Variants in IGSF1 observed in about 807,000 individuals in gnomAD.
IGSF1 encodes the protein immunoglobulin superfamily member 1, also known as immunoglobulin-like domain-containing protein 1.
In IGSF1, 40 loss-of-function variants were observed where a neutral mutation model predicts 95.3. The ratio of observed to expected loss-of-function variants is 0.42; its 90% CI spans 0.33 to 0.55. IGSF1 has a LOEUF of 0.55. Among genes scored for constraint, IGSF1 ranks in the 20% least tolerant of loss-of-function variants. The pLI is 0.10. For synonymous variants in IGSF1, 372 were observed against 382.9 expected (o/e 0.97, Z 0.33); for missense variants, 906 against 1,025.4 (o/e 0.88, Z 1.59).
intron 1 of IGSF1, among the ~76,000 whole-genome samples, chrX:131,287,706 T>C (rs1337079276): frequency 9.0e-6 from 1 of 111,645 alleles, no homozygotes; most frequent in Non-Finnish European, 1.9e-5. Context: ...CCATTCTCCC[T>C]GACCAAAGTC....
chrX:131,283,225 G>A lies in IGSF1; in HGVS notation c.707C>T (p.Pro236Leu). The part of the protein sequence containing the change: ...PKPTLTAHPG[P>L]IMAPGESLNL... Reference sequence around the variant, plus strand: ...CAGGCTTTCTCCAGGTGCCATGATGGGCCCAGGATGGGCTGTCAAAGTTGG... The same window carrying A: ...CAGGCTTTCTCCAGGTGCCATGATGAGCCCAGGATGGGCTGTCAAAGTTGG... The change falls in exon 6 of 20, where the codon CCC becomes CTC. Residue 236 changes from proline (P) to leucine (L), a missense_variant. By Grantham distance (98) the Pro-to-Leu change is moderately conservative. Coordinates refer to ENST00000361420, the MANE Select transcript of IGSF1 (RefSeq NM_001555.5). The A allele has an allele frequency of 8.3e-7, 1 of 1,209,884 alleles. No individual in the cohort carries two copies. The highest frequency in any genetic ancestry group is 1.1e-6 in the Non-Finnish European group (1 of 893,987).
intron 1 of IGSF1, among the ~76,000 whole-genome samples, chrX:131,287,157 G>A (rs914387429): frequency 2.4e-5 from 2 of 82,738 alleles, no homozygotes; most frequent in Non-Finnish European, 4.7e-5. Context: ...ATATATATAC[G>A]TATATATGTG....
rs748558414 is a variant in IGSF1, at chrX:131,278,467, C to T, written c.2035G>A (p.Gly679Arg). 1 of 1,194,695 alleles carries T rather than the reference C, an allele frequency of 8.4e-7. No individual in the cohort carries two copies. The highest frequency in any genetic ancestry group is 1.1e-6 in the Non-Finnish European group (1 of 886,376). ...ACCCTCTACATTTTCTTACCTGTCC[C>T]CACCAGCTCAAGTGCCTCACTGGGC... Reference protein sequence around the residue: ...SEPSEALELVGTDILPKPVIS... With the variant: ...SEPSEALELVRTDILPKPVIS... Residue 679 changes from glycine (G) to arginine (R), a missense_variant, in exon 12 of 20, where the codon GGG becomes AGG. By Grantham distance (125) the Gly-to-Arg change is moderately radical. Coordinates refer to ENST00000361420, the MANE Select transcript of IGSF1 (RefSeq NM_001555.5).
Position 131,276,226 on chromosome X carries a change from G to A in IGSF1, c.2631C>T (p.Leu877=). ...VVTEFYPKPT[L]LAQPGPVVFP... is the part of the protein sequence containing the mutation. ...ACACCACAGGACCTGGCTGTGCCAGGAGAGTGGGTTTGGGGTAGAATTCTG... is the reference window on the plus strand; with the variant it reads ...ACACCACAGGACCTGGCTGTGCCAGAAGAGTGGGTTTGGGGTAGAATTCTG... The change falls in exon 15 of 20, where the codon CTC becomes CTT. Residue 877 remains leucine, a synonymous_variant. Coordinates refer to ENST00000361420, the MANE Select transcript of IGSF1 (RefSeq NM_001555.5). 3.3e-6 allele frequency: 4 copies of A among 1,207,801 alleles called. No individual in the cohort carries two copies. Among genetic ancestry groups the A allele is most frequent in the Middle Eastern group, 2.3e-4 (1 of 4,337 alleles).
In IGSF1 at chrX:131,273,918, CTG is replaced by C. The variant is rs1064796795; in HGVS notation, c.3887_3888del (p.Thr1296ArgfsTer10). The C allele has an allele frequency of 3.3e-6, 4 of 1,208,677 alleles. No individual in the cohort carries two copies. The highest frequency in any genetic ancestry group is 4.5e-6 in the Non-Finnish European group (4 of 894,606). ...WPRLRTRGSE[T>X]DGRDQTIALE... The stretch of plus-strand genomic sequence containing the variant: ...AGGGCAATGGTCTGGTCTCTTCCGT[CTG>C]TCTCTGAGCCTCTATGTAAAGAAAA... On this transcript the variant is annotated frameshift_variant, in exon 20 of 20. Coordinates refer to ENST00000361420, the MANE Select transcript of IGSF1 (RefSeq NM_001555.5). LOFTEE classifies it high-confidence loss of function.
In IGSF1 at chrX:131,275,998, C is replaced by T. The variant is rs1206625415; in HGVS notation, c.2859G>A (p.Gly953=). 1 of 1,210,887 alleles carries T rather than the reference C, an allele frequency of 8.3e-7. No homozygotes were observed. Among genetic ancestry groups the T allele is most frequent in the Non-Finnish European group, 1.1e-6 (1 of 894,748 alleles). Residue 953 remains glycine (G), a synonymous_variant, in exon 15 of 20, where the codon GGG becomes GGA. Coordinates refer to ENST00000361420, the MANE Select transcript of IGSF1 (RefSeq NM_001555.5). ...IYYETTMSNR[G]SYLSMPLMIW... is the part of the protein sequence containing the mutation. ...TCATAAGGGGCATACTGAGATATGA[C>T]CCCCTGTTTGACATGGTTGTCTCAT...
chrX:131,281,858 G>A lies in IGSF1; in HGVS notation c.1333C>T (p.His445Tyr). The change falls in exon 8 of 20, where the codon CAT (histidine) becomes TAT (tyrosine). Residue 445 changes from histidine (H) to tyrosine (Y), a missense_variant. Coordinates refer to ENST00000361420, the MANE Select transcript of IGSF1 (RefSeq NM_001555.5). ...KAITLQCRVS[H>Y]PVLEFSLEWE... ...TCCAGAGAAAATTCCAGTACTGGAT[G>A]AGATACTCGGCACTGAAGGGTGATG... is the stretch of plus-strand genomic sequence containing the variant. The A allele has an allele frequency of 1.7e-6, 2 of 1,207,872 alleles. No individual in the cohort carries two copies. Among genetic ancestry groups the A allele is most frequent in the Non-Finnish European group, 2.2e-6 (2 of 892,126 alleles).
chrX:131,273,980 C>T (rs2080446691), intron 19 of IGSF1, 49 bp from the exon 20 acceptor site: 2 of 1,202,480 alleles, frequency 1.7e-6, no homozygotes, highest in African/African-American at 3.5e-5. Context: ...AAACTGAAAA[C>T]AGATTGCACG....
Position 131,275,523 on chromosome X carries a change from A to T in IGSF1, c.3139T>A (p.Ser1047Thr). Residue 1047 changes from serine (S) to threonine (T), a missense_variant, in exon 16 of 20, where the codon TCT becomes ACT. Ser to Thr is a moderately conservative substitution (Grantham distance 58, BLOSUM62 1). This residue lies in a region of IGSF1 where 411 missense variants were observed against 494.9 expected (regional missense o/e 0.83). Transcript: ENST00000361420. ...SCCYHPDWTS[S>T]IKIQPSNTLE... ...GTGTTGCTAGGTTGTATCTTGATAG[A>T]ACTGGTCCAGTCAGGGTGGTAGCAG... is the stretch of plus-strand genomic sequence containing the variant. 1 of 1,211,495 alleles carries T rather than the reference A, an allele frequency of 8.3e-7. No homozygotes were observed.
At chrX:131,276,404 CAAAGAT>C (rs2080475350) in intron 14 of IGSF1, among the ~76,000 whole-genome samples, 156 bp from the exon 15 acceptor site, 1 of 105,778 alleles carries the variant, frequency 9.5e-6, no homozygotes, top group Non-Finnish European at 2.0e-5. Context: ...TTCTACCACT[CAAAGAT>C]AAATATTTTT....
intron 2 of IGSF1, 61 bp downstream of exon 2, chrX:131,286,543 AC>A: frequency 8.5e-7 from 1 of 1,169,941 alleles, no homozygotes; most frequent in Non-Finnish European, 1.2e-6. Flanking sequence ...TTCCTCTCCC[AC>A]CCCTAATGAG....
chrX:131,277,049 T>C lies in IGSF1; in HGVS notation c.2498A>G (p.His833Arg). Residue 833 changes from histidine to arginine, a missense_variant, in exon 14 of 20, where the codon CAC becomes CGC. His to Arg is a conservative substitution (Grantham distance 29). This residue lies in a region of IGSF1 where 411 missense variants were observed against 494.9 expected (regional missense o/e 0.83). Coordinates refer to ENST00000361420, the MANE Select transcript of IGSF1 (RefSeq NM_001555.5). ...SWASPGASAAHFLIISVGIGD... is the reference protein window; with the variant it reads ...SWASPGASAARFLIISVGIGD... ...AATGCCCACCGAAATGATTAGAAAG[T>C]GAGCTGCACTGGCCCCCGGACTTGC... The C allele has an allele frequency of 3.3e-6, 4 of 1,210,543 alleles. No homozygotes were observed. The highest frequency in any genetic ancestry group is 4.5e-6 in the Non-Finnish European group (4 of 894,837).
Position 131,277,159 on chromosome X carries a change from A to G in IGSF1, c.2388T>C (p.Thr796=). The part of the protein sequence containing the change: ...SPVVTPGARV[T]FNCSTPHQHM... ...GCTGGTGGGGGGTGGAGCAATTGAA[A>G]GTCACTCGGGCACCAGGGGTGACCA... Residue 796 remains threonine (T), a synonymous_variant, in exon 14 of 20, where the codon ACT becomes ACC. Transcript: ENST00000361420. 2 of 1,211,391 alleles carry G rather than the reference A, an allele frequency of 1.7e-6. No homozygotes were observed. Among genetic ancestry groups the G allele is most frequent in the Non-Finnish European group, 2.2e-6 (2 of 895,147 alleles).
In IGSF1 at chrX:131,279,487, C is replaced by T; in HGVS notation, c.1647-146G>A. 8.0e-6 allele frequency: 4 copies of T among 496,947 alleles called. No individual in the cohort carries two copies. The Admixed American group carries it at 1.3e-4, about 17-fold the overall frequency. 41.0% of individuals were successfully genotyped at this position (496,947 alleles called of 1,213,427 possible). A position where few individuals can be genotyped will look rare whatever the true frequency, so the allele number is the denominator to read the frequency against. On this transcript the variant is annotated intron_variant, in intron 9 of 19. Coordinates refer to ENST00000361420, the MANE Select transcript of IGSF1 (RefSeq NM_001555.5). Reference sequence around the variant, plus strand: ...GATAATGGGATATAATCTTATTTGACATCAATGACTTTTCTTTTTGAGGGC... The same window carrying T: ...GATAATGGGATATAATCTTATTTGATATCAATGACTTTTCTTTTTGAGGGC...
chrX:131,281,722 G>C lies in IGSF1; in HGVS notation c.1469C>G (p.Thr490Arg). 8.3e-7 allele frequency: 1 copy of C among 1,210,820 alleles called. No homozygotes were observed. The highest frequency in any genetic ancestry group is 1.1e-6 in the Non-Finnish European group (1 of 894,697). ...GTYSCSYRVE[T>R]HPNIWSHRSE... ...GCGATGTGACCAGATGTTAGGATGT[G>C]TCTCTACGCGATAGCTGCAACTGTA... Residue 490 changes from threonine (T) to arginine (R), a missense_variant, in exon 8 of 20, where the codon ACA (threonine) becomes AGA (arginine). By Grantham distance (71) the Thr-to-Arg change is moderately conservative. This residue lies in a region of IGSF1 where 442 missense variants were observed against 448.1 expected (regional missense o/e 0.99). Coordinates refer to ENST00000361420, the MANE Select transcript of IGSF1 (RefSeq NM_001555.5).
At chrX:131,278,849 C>A in intron 11 of IGSF1, 98 bp from the exon 12 acceptor site, 1 of 775,988 alleles carries the variant, frequency 1.3e-6, no homozygotes, top group South Asian at 2.5e-5. Flanking sequence ...TGCCCACCTC[C>A]CCTTGCAACC....
chrX:131,282,030 G>T, intron 7 of IGSF1, 86 bp from the exon 8 acceptor site: 1 of 872,917 alleles, frequency 1.1e-6, no homozygotes. Flanking sequence ...CTCCCCATTT[G>T]ATCTTCTCTT....
chrX:131,284,890 T>G, intron 5 of IGSF1: 1 of 743,425 alleles, frequency 1.3e-6, no homozygotes. Flanking sequence ...AATTAATGAA[T>G]GAATGCATGA....
At chrX:131,283,613 C>T (rs1474451364) in intron 5 of IGSF1, among the ~76,000 whole-genome samples, 5 of 112,209 alleles carry the variant, frequency 4.5e-5, no homozygotes, top group Non-Finnish European at 7.5e-5. Flanking sequence ...ACATTGTTTT[C>T]ATCTTTGCAG....
Sources: allele counts gnomAD v4.1 joint callset (sites outside exome capture counted in the v4.1 genomes callset), GRCh38; gene constraint gnomAD v4.1.1; regional missense constraint gnomAD v4.1.1; transcripts MANE v1.5; gene names NCBI Gene and HGNC (gene_info 2026-07-23, HGNC 2026-07-21).